MINAR1: variants seen among roughly 807,000 people sequenced by gnomAD.
MINAR1 encodes major intrinsically disordered Notch2-binding receptor 1.
In MINAR1, 40 loss-of-function variants were observed where a neutral mutation model predicts 65.1. The ratio of observed to expected loss-of-function variants is 0.61; its 90% CI spans 0.48 to 0.80. The LOEUF is 0.80. Ranked by LOEUF, MINAR1 falls within the 30% of genes least tolerant of loss-of-function variation. MINAR1 has a pLI of 0.00. For synonymous variants in MINAR1, 482 were observed against 449.1 expected, an observed-to-expected ratio of 1.07 and a Z score of -0.93; for missense variants, 1,128 against 1,148.0, an observed-to-expected ratio of 0.98 and a Z score of 0.25.
chr15:79,468,150 ATTC>A, intron 3 of MINAR1, 34 bp from the exon 4 acceptor site: 1 of 1,554,104 alleles, frequency 6.4e-7, no homozygotes, highest in Non-Finnish European at 8.9e-7. Flanking sequence ...GATTTCAAGT[ATTC>A]ACTGTATTTC....
the MINAR1 span, chr15:79,426,389 C>G: frequency 1.3e-5 from 2 of 152,222 alleles, no homozygotes; most frequent in African/African-American, 2.4e-5. Context: ...TGGCCAAGCT[C>G]GGGCCACTTG....
In MINAR1 at chr15:79,456,291, T is replaced by G. The variant is rs1324018933; in HGVS notation, c.144T>G (p.Ser48Arg). 8 of 1,614,038 alleles carry G rather than the reference T, an allele frequency of 5.0e-6. No homozygotes were observed. The highest frequency in any genetic ancestry group is 6.8e-6 in the Non-Finnish European group (8 of 1,180,036). ...FDLSQLAKLR[S>R]VLFYTACLDP... ...TGTCGCAGCTTGCCAAACTGAGAAG[T>G]GTGCTCTTCTACACAGCTTGTCTCG... is the stretch of plus-strand genomic sequence containing the variant. Residue 48 changes from serine (S) to arginine (R), a missense_variant, in exon 2 of 4, where the codon AGT (serine) becomes AGG (arginine). Coordinates refer to ENST00000305428, the MANE Select transcript of MINAR1 (RefSeq NM_015206.3).
the MINAR1 span, chr15:79,418,187 A>G: frequency 6.6e-6 from 1 of 152,382 alleles, no homozygotes; most frequent in South Asian, 2.1e-4. Context: ...GATCACACAC[A>G]GCTGCATTTA....
chr15:79,465,333 G>A (rs548499020), intron 3 of MINAR1, among the ~76,000 whole-genome samples: 12 of 152,182 alleles, frequency 7.9e-5, no homozygotes, highest in South Asian at 4.2e-4. Context: ...CAATCTTCCC[G>A]GAGTTCCTTT....
the MINAR1 span, chr15:79,418,855 C>A: frequency 6.6e-6 from 1 of 152,164 alleles, no homozygotes; most frequent in Non-Finnish European, 1.5e-5. Context: ...GCCCAGCCAG[C>A]TGGCCTCACT....
At chr15:79,436,891 C>G (rs567604133) in intron 1 of MINAR1, among the ~76,000 whole-genome samples, 2 of 152,344 alleles carry the variant, frequency 1.3e-5, no homozygotes, top group Admixed American at 1.3e-4. Context: ...CTGTCCCCAA[C>G]TTCAGTGTCT....
At chr15:79,421,606 A>T in the MINAR1 span, 3 of 152,268 alleles carry the variant, frequency 2.0e-5, no homozygotes, top group African/African-American at 4.8e-5. Flanking sequence ...TGAAGAGGTC[A>T]TGCCACCTCC....
chr15:79,451,757 C>G (rs940778124), intron 1 of MINAR1, among the ~76,000 whole-genome samples: 1 of 152,092 alleles, frequency 6.6e-6, no homozygotes, highest in Non-Finnish European at 1.5e-5. Context: ...GGAGCTTTTC[C>G]ACATGGGGGT....
chr15:79,427,849 A>G (rs987614173), upstream of MINAR1, among the ~76,000 whole-genome samples: 1 of 152,190 alleles, frequency 6.6e-6, no homozygotes, highest in Non-Finnish European at 1.5e-5. Context: ...CTGGCAGGTG[A>G]CAACCCTGGA....
intron 1 of MINAR1, among the ~76,000 whole-genome samples, chr15:79,437,768 GAGT>G (rs1345125766): frequency 9.4e-6 from 1 of 105,836 alleles, no homozygotes. Flanking sequence ...TGTGGGGTGT[GAGT>G]GGGGTGGGTA....
chr15:79,445,024 T>C (rs1894976011), intron 1 of MINAR1, among the ~76,000 whole-genome samples: 1 of 152,062 alleles, frequency 6.6e-6, no homozygotes, highest in African/African-American at 2.4e-5. Flanking sequence ...TCCTAGAAAT[T>C]TTGTTAATTT....
In MINAR1 at chr15:79,457,449, G is replaced by T; in HGVS notation, c.1302G>T (p.Gly434=). ...LPIAYAAKQN[G]LKSKEISSPV... ...TTGCTTATGCGGCAAAACAAAATGG[G>T]CTCAAATCTAAAGAGATCTCATCCC... The change falls in exon 2 of 4, where the codon GGG becomes GGT. Residue 434 remains glycine (G), a synonymous_variant. Transcript: ENST00000305428. 2 of 1,614,176 alleles carry T rather than the reference G, an allele frequency of 1.2e-6. No homozygotes were observed. The highest frequency in any genetic ancestry group is 1.7e-6 in the Non-Finnish European group (2 of 1,180,032).
At chr15:79,436,509 G>A (rs1055025062) in intron 1 of MINAR1, among the ~76,000 whole-genome samples, 10 of 152,216 alleles carry the variant, frequency 6.6e-5, no homozygotes, top group African/African-American at 2.4e-5. Flanking sequence ...GCTGATAAAT[G>A]TGTTCAGTGA....
the MINAR1 span, chr15:79,417,559 CCATCTCCTGTGTCTTCCATCAG>C: frequency 6.6e-6 from 1 of 152,192 alleles, no homozygotes; most frequent in African/African-American, 2.4e-5. Flanking sequence ...TCCTCCCTGG[CCATCTCCTGTGTCTTCCATCAG>C]CTTCCCTGCA....
At chr15:79,455,206 A>G (rs1729141721) in intron 1 of MINAR1, among the ~76,000 whole-genome samples, 1 of 152,206 alleles carries the variant, frequency 6.6e-6, no homozygotes, top group Non-Finnish European at 1.5e-5. Context: ...TAATTCAGAA[A>G]AAAATCCATA....
the MINAR1 span, chr15:79,420,380 CTCAAA>C: frequency 1.3e-5 from 2 of 152,146 alleles, no homozygotes; most frequent in African/African-American, 4.8e-5. Flanking sequence ...GTCCAATTTA[CTCAAA>C]TCAATACTTT....
intron 1 of MINAR1, among the ~76,000 whole-genome samples, chr15:79,450,637 G>A (rs1352468614): frequency 6.6e-6 from 1 of 152,074 alleles, no homozygotes; most frequent in Non-Finnish European, 1.5e-5. Flanking sequence ...TTAGTCTACT[G>A]AAGGTCCATG....
chr15:79,431,518 G>GA (rs1894438166), upstream of MINAR1, among the ~76,000 whole-genome samples: 1 of 151,886 alleles, frequency 6.6e-6, no homozygotes, highest in Non-Finnish European at 1.5e-5. Flanking sequence ...TGTGTGTGGG[G>GA]GGGGAGAGAA....
upstream of MINAR1, chr15:79,427,395 A>G (rs1219817865): frequency 6.6e-6 from 1 of 152,232 alleles, no homozygotes; most frequent in African/African-American, 2.4e-5. Flanking sequence ...AAACCTGCAT[A>G]TGTACCCCTG....
Sources: gnomAD v4.1 joint callset for allele counts (sites outside exome capture counted in the v4.1 genomes callset) on GRCh38, gnomAD v4.1.1 for gene constraint, MANE v1.5 for transcripts, NCBI Gene and HGNC (gene_info 2026-07-23, HGNC 2026-07-21) for gene names.